Variants in SLX4IP observed in about 807,000 individuals in gnomAD.
SLX4IP encodes the protein protein SLX4IP.
SLX4IP carries 34 observed loss-of-function variants against 32.9 expected under a neutral mutation model. The observed-to-expected ratio is 1.03, with a 90% CI of 0.79 to 1.38. SLX4IP has a LOEUF of 1.38. Among genes scored for constraint, SLX4IP ranks in the 40% most tolerant of loss-of-function variants. SLX4IP has a pLI of 0.00. For synonymous variants in SLX4IP, 172 were observed against 171.7 expected, an observed-to-expected ratio of 1.00 and a Z score of -0.01; for missense variants, 444 against 479.0, an observed-to-expected ratio of 0.93 and a Z score of 0.68.
intron 1 of SLX4IP, among the ~76,000 whole-genome samples, chr20:10,436,995 T>G (rs1480359062): frequency 6.6e-6 from 1 of 152,054 alleles, no homozygotes; most frequent in Non-Finnish European, 1.5e-5. Flanking sequence ...ACTTTTAATT[T>G]GTTAAAAGTT....
chr20:10,462,177 TGAG>T (rs1226241434), intron 2 of SLX4IP, among the ~76,000 whole-genome samples: 2 of 151,966 alleles, frequency 1.3e-5, no homozygotes, highest in African/African-American at 2.4e-5. Context: ...ATTAAAAAAT[TGAG>T]GAGAAAACCA....
intron 2 of SLX4IP, 70 bp from the exon 3 acceptor site, chr20:10,556,161 T>G (rs2066264756): frequency 7.0e-5 from 99 of 1,416,368 alleles, no homozygotes; most frequent in Middle Eastern, 1.8e-4. Flanking sequence ...TAGGAATTTG[T>G]GAGATTTTCT....
At chr20:10,449,952 TAAAA>T (rs55747326) in intron 1 of SLX4IP, among the ~76,000 whole-genome samples, 3 of 147,100 alleles carry the variant, frequency 2.0e-5, no homozygotes, top group Admixed American at 6.8e-5. Flanking sequence ...TTGATAAAAG[TAAAA>T]AAAAAAACCC....
chr20:10,570,153 G>A (rs1381107403), intron 4 of SLX4IP, among the ~76,000 whole-genome samples: 1 of 152,176 alleles, frequency 6.6e-6, no homozygotes, highest in Admixed American at 6.5e-5. Context: ...AGTAGACCAA[G>A]TGACTTGTCC....
At chr20:10,598,776 GTCAGACATT>G (rs1364927691) in intron 5 of SLX4IP, 24 bp downstream of exon 5, 1 of 1,610,200 alleles carries the variant, frequency 6.2e-7, no homozygotes, top group Non-Finnish European at 8.5e-7. Flanking sequence ...TTCTTGGTTT[GTCAGACATT>G]TCACACAATC....
At chr20:10,452,250 G>A (rs1045926380) in intron 1 of SLX4IP, among the ~76,000 whole-genome samples, 1 of 152,064 alleles carries the variant, frequency 6.6e-6, no homozygotes, top group South Asian at 2.1e-4. Context: ...TTGGATCCAG[G>A]CAGGGCGTGG....
chr20:10,440,479 T>A (rs6077791), intron 1 of SLX4IP, among the ~76,000 whole-genome samples: 73,555 of 151,486 alleles, frequency 0.49, 19,285 homozygotes, highest in Non-Finnish European at 0.59. Flanking sequence ...AACTAAAAAA[T>A]AAATAAATAA....
chr20:10,561,268 A>G (rs1459574634), intron 4 of SLX4IP, among the ~76,000 whole-genome samples: 3 of 152,076 alleles, frequency 2.0e-5, no homozygotes, highest in African/African-American at 7.2e-5. Context: ...TTTTTAAAAA[A>G]TATACAATAA....
chr20:10,557,091 T>A (rs942846605), intron 3 of SLX4IP, among the ~76,000 whole-genome samples: 8 of 152,192 alleles, frequency 5.3e-5, no homozygotes, highest in African/African-American at 9.7e-5. Context: ...CCTTTAAAAA[T>A]ATCATTATCC....
rs1325865606 is a variant in SLX4IP, at chr20:10,627,711, A to G, written c.*4332A>G. 2.0e-5 allele frequency: 3 copies of G among 152,234 alleles called. No homozygotes were observed. The East Asian group carries it at 5.8e-4, about 29-fold the overall frequency. The allele number at this position is 152,234 out of a possible 1,614,324, so 9.4% of individuals were successfully genotyped here. ...TTACCATACACCATATTACCTTATAATTGCCATTACAGTTCCTTATCAAAA... is the reference window on the plus strand; with the variant it reads ...TTACCATACACCATATTACCTTATAGTTGCCATTACAGTTCCTTATCAAAA... On this transcript the variant is annotated 3_prime_UTR_variant, in exon 8 of 8. Coordinates refer to ENST00000334534, the MANE Select transcript of SLX4IP (RefSeq NM_001009608.3).
At chr20:10,620,479 A>G (rs2067095333) in intron 6 of SLX4IP, among the ~76,000 whole-genome samples, 1 of 152,228 alleles carries the variant, frequency 6.6e-6, no homozygotes, top group Non-Finnish European at 1.5e-5. Flanking sequence ...TTTGGTAGCC[A>G]AGAATCACAA....
intron 2 of SLX4IP, among the ~76,000 whole-genome samples, chr20:10,479,981 C>T (rs997216604): frequency 5.3e-5 from 8 of 151,980 alleles, no homozygotes; most frequent in South Asian, 4.1e-4. Flanking sequence ...TCCAGCCTGG[C>T]GACAGAGTGA....
At chr20:10,438,317 C>G (rs2065132080) in intron 1 of SLX4IP, among the ~76,000 whole-genome samples, 1 of 151,440 alleles carries the variant, frequency 6.6e-6, no homozygotes, top group Middle Eastern at 3.4e-3. Flanking sequence ...TATGTTTATG[C>G]CAGTGAAACC....
intron 2 of SLX4IP, among the ~76,000 whole-genome samples, chr20:10,548,270 G>A (rs1249425942): frequency 1.3e-5 from 2 of 151,764 alleles, no homozygotes; most frequent in East Asian, 1.9e-4. Context: ...ACGGAGTCTC[G>A]CTCTGTCGCC....
At chr20:10,588,805 T>G (rs2066674855) in intron 4 of SLX4IP, among the ~76,000 whole-genome samples, 1 of 152,090 alleles carries the variant, frequency 6.6e-6, no homozygotes, top group Non-Finnish European at 1.5e-5. Context: ...AAGGGGAGAT[T>G]TGGTCAAAGG....
chr20:10,520,706 G>A (rs1251145494), intron 2 of SLX4IP, among the ~76,000 whole-genome samples: 1 of 152,158 alleles, frequency 6.6e-6, no homozygotes, highest in Admixed American at 6.5e-5. Context: ...TGAAGAATGA[G>A]CCCAGCTTTA....
intron 2 of SLX4IP, among the ~76,000 whole-genome samples, chr20:10,537,019 T>C (rs1402128540): frequency 6.6e-6 from 1 of 152,228 alleles, no homozygotes; most frequent in African/African-American, 2.4e-5. Flanking sequence ...ATGCAAGGAA[T>C]ATGGTTTTAA....
rs538400448 is a variant in SLX4IP at position 10,553,960 on chromosome 20, A to G, written c.28-2271A>G. On this transcript the variant is annotated intron_variant, in intron 2 of 7. Coordinates refer to ENST00000334534, the MANE Select transcript of SLX4IP (RefSeq NM_001009608.3). ...CCTACATTTTAAATAACTGCCAACA[A>G]GTATGAGTGCATTTTACACAGTGTT... is the stretch of plus-strand genomic sequence containing the variant. Among the ~76,000 whole-genome samples the G allele has an allele frequency of 2.6e-5, 4 of 152,336 alleles. No individual in the cohort carries two copies. The South Asian group carries it at 8.3e-4, about 32-fold the overall frequency.
intron 4 of SLX4IP, among the ~76,000 whole-genome samples, chr20:10,598,170 T>A (rs1182503511): frequency 6.6e-6 from 1 of 152,228 alleles, no homozygotes; most frequent in Non-Finnish European, 1.5e-5. Context: ...CTAGGGACTA[T>A]GCCAGCGTCA....
Sources: allele counts gnomAD v4.1 joint callset (sites outside exome capture counted in the v4.1 genomes callset), GRCh38; gene constraint gnomAD v4.1.1; transcripts MANE v1.5; gene names NCBI Gene and HGNC (gene_info 2026-07-23, HGNC 2026-07-21).